Variants in FAM120B observed in about 807,000 individuals in gnomAD.
The protein encoded by FAM120B is family with sequence similarity 120 member B, also known as constitutive coactivator of peroxisome proliferator-activated receptor gamma.
Under a neutral mutation model 96.3 loss-of-function variants are expected in FAM120B, and 83 were observed. The observed-to-expected ratio is 0.86, with a 90% confidence interval of 0.72 to 1.03. The LOEUF is 1.03. FAM120B is among the 50% of genes least tolerant of loss of function. The pLI, the probability that FAM120B is intolerant of heterozygous loss-of-function variation, is 0.00. For synonymous variants in FAM120B, 407 were observed against 402.7 expected (o/e 1.01, Z -0.13); for missense variants, 1,027 against 1,121.2 (o/e 0.92, Z 1.20).
At chr6:170,323,470 G>C (rs2115040959) in intron 3 of FAM120B, among the ~76,000 whole-genome samples, 1 of 152,304 alleles carries the variant, frequency 6.6e-6, no homozygotes, top group East Asian at 1.9e-4. Context: ...TGAACAGTAA[G>C]TTGATGAGTG....
upstream of FAM120B, among the ~76,000 whole-genome samples, chr6:170,303,486 C>T (rs1784185712): frequency 6.6e-6 from 1 of 152,256 alleles, no homozygotes; most frequent in Admixed American, 6.5e-5. Context: ...ACAGAGTCCT[C>T]TTACCTTGGC....
intron 6 of FAM120B, among the ~76,000 whole-genome samples, chr6:170,386,999 A>G (rs1790222403): frequency 6.6e-6 from 1 of 152,244 alleles, no homozygotes; most frequent in African/African-American, 2.4e-5. Context: ...TGCTAAAAAA[A>G]TACTTGATTA....
intron 1 of FAM120B, among the ~76,000 whole-genome samples, chr6:170,296,283 T>A (rs1334640477): frequency 6.6e-6 from 1 of 152,022 alleles, no homozygotes; most frequent in African/African-American, 2.4e-5. Context: ...AGTGCGATGA[T>A]TGCCGGACGC....
In FAM120B at chr6:170,404,884, G is replaced by A. The variant is rs2115352347; in HGVS notation, c.*133G>A. Reference sequence around the variant, plus strand: ...GCCAGGCCTCGCTTGCATGAAGAAGGAACGATGCCTTTTTCAATGGTGTCT... The same window carrying A: ...GCCAGGCCTCGCTTGCATGAAGAAGAAACGATGCCTTTTTCAATGGTGTCT... On this transcript the variant is annotated 3_prime_UTR_variant, in exon 11 of 11. Transcript: ENST00000476287. 1 of 417,520 alleles carries A rather than the reference G, an allele frequency of 2.4e-6. No homozygotes were observed. Among genetic ancestry groups the A allele is most frequent in the East Asian group, 3.9e-5 (1 of 25,488 alleles). 25.9% of individuals were successfully genotyped at this position (417,520 alleles called of 1,614,324 possible). A position where few individuals can be genotyped will look rare whatever the true frequency, so the allele number is the denominator to read the frequency against.
intron 6 of FAM120B, among the ~76,000 whole-genome samples, chr6:170,387,148 A>G (rs920747894): frequency 1.3e-5 from 2 of 152,152 alleles, no homozygotes; most frequent in African/African-American, 4.8e-5. Context: ...GTTGTTTTGG[A>G]TAATTTTGTA....
At chr6:170,315,560 CTT>C (rs1475916847) in intron 1 of FAM120B, among the ~76,000 whole-genome samples, 1 of 152,154 alleles carries the variant, frequency 6.6e-6, no homozygotes, top group Non-Finnish European at 1.5e-5. Flanking sequence ...AAGATAAACT[CTT>C]TACAAGTCAC....
rs1783991507 is a variant in FAM120B at position 170,295,963 on chromosome 6, C to G, written c.48+510C>G. ...GGCGGCCCCGGCGCAGATGACGGCT[C>G]GGCAGCGGGCCCCCGCCCCCTCCTC... is the stretch of plus-strand genomic sequence containing the variant. On this transcript the variant is annotated intron_variant, in intron 1 of 10. Transcript: ENST00000537664. The surrounding 1 kb of genome is among the most constrained non-coding windows in gnomAD (Gnocchi z 7.8). Among the ~76,000 whole-genome samples the G allele has an allele frequency of 2.0e-5, 3 of 151,986 alleles. No homozygotes were observed. In the South Asian group the frequency reaches 6.2e-4, roughly 32 times the overall value.
At chr6:170,352,637 C>T (rs1787652816) in intron 5 of FAM120B, among the ~76,000 whole-genome samples, 1 of 152,206 alleles carries the variant, frequency 6.6e-6, no homozygotes, top group Non-Finnish European at 1.5e-5. Context: ...CTCAAAACCA[C>T]ACAACTACAT....
At chr6:170,361,211 T>C (rs1481038831) in intron 6 of FAM120B, among the ~76,000 whole-genome samples, 7 of 93,136 alleles carry the variant, frequency 7.5e-5, no homozygotes, top group East Asian at 1.4e-3. Context: ...TATATATATA[T>C]ATATATATAT....
At chr6:170,376,096 T>A (rs1381709433) in intron 6 of FAM120B, among the ~76,000 whole-genome samples, 1 of 152,066 alleles carries the variant, frequency 6.6e-6, no homozygotes, top group Non-Finnish European at 1.5e-5. Context: ...GCAGGTCATG[T>A]TCAGGAAGTG....
chr6:170,400,057 G>A (rs1583319426), intron 9 of FAM120B, among the ~76,000 whole-genome samples: 1 of 150,700 alleles, frequency 6.6e-6, no homozygotes, highest in African/African-American at 2.5e-5. Flanking sequence ...ACTCTTAGGA[G>A]TGAGTGGGGA....
At chr6:170,354,143 A>G (rs1787748523) in intron 5 of FAM120B, among the ~76,000 whole-genome samples, 1 of 152,240 alleles carries the variant, frequency 6.6e-6, no homozygotes, top group South Asian at 2.1e-4. Context: ...CTGATCTTTG[A>G]CAAACTTGAC....
chr6:170,292,848 C>T (rs1266188341), upstream of FAM120B, among the ~76,000 whole-genome samples: 2 of 152,166 alleles, frequency 1.3e-5, no homozygotes, highest in Non-Finnish European at 2.9e-5. The surrounding 1 kb of genome is among the most constrained non-coding windows in gnomAD (Gnocchi z 6.6). Context: ...CCACTGTTGC[C>T]TCATGGAATA....
upstream of FAM120B, among the ~76,000 whole-genome samples, chr6:170,293,438 A>C (rs373746271): frequency 5.3e-5 from 8 of 152,258 alleles, no homozygotes; most frequent in East Asian, 1.5e-3. Context: ...ACTTGCCCCA[A>C]ATCTCTAACA....
intron 1 of FAM120B, among the ~76,000 whole-genome samples, chr6:170,301,433 C>T (rs1424450426): frequency 1.3e-5 from 2 of 152,270 alleles, no homozygotes; most frequent in East Asian, 1.9e-4. Context: ...ATGGGAGGGG[C>T]TGCCATGAAG....
At chr6:170,317,234 C>G (rs1198950871) in intron 1 of FAM120B, 136 bp from the exon 2 acceptor site, 1 of 666,732 alleles carries the variant, frequency 1.5e-6, no homozygotes, top group East Asian at 2.7e-5. Flanking sequence ...AGGCTCCTAA[C>G]CAGCATATCA....
chr6:170,384,153 T>TG (rs1299470005), intron 6 of FAM120B, among the ~76,000 whole-genome samples: 1 of 152,184 alleles, frequency 6.6e-6, no homozygotes, highest in African/African-American at 2.4e-5. Context: ...AGGTCTTATG[T>TG]GGAGAGACAG....
At chr6:170,332,735 C>T (rs1786142016) in intron 4 of FAM120B, among the ~76,000 whole-genome samples, 1 of 152,116 alleles carries the variant, frequency 6.6e-6, no homozygotes, top group South Asian at 2.1e-4. Flanking sequence ...TGGGCCCTTC[C>T]TGTCCACCTG....
chr6:170,371,183 A>G (rs1477687167), intron 6 of FAM120B, among the ~76,000 whole-genome samples: 1 of 150,960 alleles, frequency 6.6e-6, no homozygotes, highest in East Asian at 1.9e-4. Flanking sequence ...TCTACCACTC[A>G]TCCATTTTCT....
Sources: gnomAD v4.1 joint callset for allele counts (sites outside exome capture counted in the v4.1 genomes callset) on GRCh38, gnomAD v4.1.1 for gene constraint, Gnocchi (gnomAD v3.1) non-coding constraint, MANE v1.5 for transcripts, NCBI Gene and HGNC (gene_info 2026-07-23, HGNC 2026-07-21) for gene names.